The following SLC22A25 variants were observed in gnomAD, a reference collection of about 807,000 sequenced individuals.
SLC22A25 encodes solute carrier family 22 member 25.
In SLC22A25, 44 loss-of-function variants were observed where a neutral mutation model predicts 45.9. The ratio of observed to expected loss-of-function variants is 0.96; its 90% CI spans 0.75 to 1.23. The LOEUF (loss-of-function observed/expected upper bound fraction) is 1.23, where lower values mean the gene tolerates loss of function less well. SLC22A25 is among the 50% of genes most tolerant of loss of function. SLC22A25 has a pLI of 0.00. For synonymous variants in SLC22A25, 283 were observed against 238.6 expected, an observed-to-expected ratio of 1.19 and a Z score of -1.72; for missense variants, 800 against 666.4, an observed-to-expected ratio of 1.20 and a Z score of -2.21.
At chr11:63,202,650 C>T (rs1397911517) in intron 7 of SLC22A25, among the ~76,000 whole-genome samples, 1 of 152,198 alleles carries the variant, frequency 6.6e-6, no homozygotes, top group Non-Finnish European at 1.5e-5. Flanking sequence ...AAGGAAGCAG[C>T]CCCAGTCACG....
chr11:63,212,832 A>G (rs988823874), intron 7 of SLC22A25, among the ~76,000 whole-genome samples: 7 of 151,854 alleles, frequency 4.6e-5, no homozygotes, highest in Non-Finnish European at 8.8e-5. Flanking sequence ...ACCATTTTTG[A>G]GGCGGCCTTG....
intron 7 of SLC22A25, among the ~76,000 whole-genome samples, chr11:63,207,880 A>G (rs1456737124): frequency 1.2e-4 from 18 of 152,116 alleles, no homozygotes; most frequent in Admixed American, 1.2e-3. Context: ...TTTGTTTCTC[A>G]CTTCTGTAAT....
intron 7 of SLC22A25, chr11:63,208,064 A>G (rs1415426691): frequency 6.6e-6 from 1 of 152,170 alleles, no homozygotes; most frequent in Admixed American, 6.5e-5. Context: ...ATCCTGCAAC[A>G]TTTCTGGGGA....
chr11:63,167,845 C>A (rs1280824978), intron 9 of SLC22A25: 2 of 232,232 alleles, frequency 8.6e-6, no homozygotes, highest in Non-Finnish European at 1.8e-5. Flanking sequence ...TTAAGTGGGT[C>A]ACTAACACCT....
chr11:63,171,240 G>C (rs1590783265), intron 9 of SLC22A25, among the ~76,000 whole-genome samples: 1 of 152,128 alleles, frequency 6.6e-6, no homozygotes, highest in African/African-American at 2.4e-5. Context: ...CGTTCCCTTT[G>C]AAAACTGGCA....
At chr11:63,242,806 G>T (rs1308266937) in intron 1 of SLC22A25, among the ~76,000 whole-genome samples, 2 of 152,106 alleles carry the variant, frequency 1.3e-5, no homozygotes, top group Admixed American at 6.5e-5. Flanking sequence ...CCCAAATAAG[G>T]TTCCTTGGGA....
At chr11:63,174,699 T>A (rs2088022693) in intron 9 of SLC22A25, among the ~76,000 whole-genome samples, 2 of 152,162 alleles carry the variant, frequency 1.3e-5, no homozygotes, top group South Asian at 2.1e-4. Flanking sequence ...AACAAATTTT[T>A]AAGTGTACAG....
At chr11:63,173,272 G>A (rs1206038594) in intron 9 of SLC22A25, among the ~76,000 whole-genome samples, 2 of 151,900 alleles carry the variant, frequency 1.3e-5, no homozygotes, top group Non-Finnish European at 2.9e-5. Flanking sequence ...ATGCATACAT[G>A]GTTTAAAACC....
intron 10 of SLC22A25, 72 bp downstream of exon 10, chr11:63,165,972 G>A (rs1314549856): frequency 2.6e-6 from 4 of 1,540,710 alleles, no homozygotes; most frequent in Non-Finnish European, 3.6e-6. Flanking sequence ...GCTTCAGATA[G>A]GTGTGACCAG....
chr11:63,201,812 TA>T (rs201461509), intron 7 of SLC22A25, among the ~76,000 whole-genome samples: 1,236 of 6,596 alleles, frequency 0.19, 14 homozygotes, highest in Middle Eastern at 0.33. Flanking sequence ...AAAATTTCAA[TA>T]AAAAAACCCC....
In SLC22A25 at chr11:63,159,700, CT is replaced by C. The variant is rs2087519353; in HGVS notation, c.*4123del. 1.7e-4 allele frequency among the ~76,000 whole-genome samples: 1 copy of C among 5,956 alleles called. No individual in the cohort carries two copies. The highest frequency in any genetic ancestry group is 0.062 in the South Asian group (1 of 16). The allele number at this position is 5,956 out of a possible 152,430, so 3.9% of individuals were successfully genotyped here. On this transcript the variant is annotated 3_prime_UTR_variant, in exon 12 of 12. Transcript: ENST00000306494. ...CACAAATGTGGAAGCAACTTTGGAACTGGGGCAATATTTGGAGGGCTCAGAA... is the reference window on the plus strand; with the variant it reads ...CACAAATGTGGAAGCAACTTTGGAACGGGGCAATATTTGGAGGGCTCAGAA...
chr11:63,226,152 T>A (rs2089958385), intron 5 of SLC22A25, among the ~76,000 whole-genome samples: 1 of 152,140 alleles, frequency 6.6e-6, no homozygotes, highest in Non-Finnish European at 1.5e-5. Flanking sequence ...GTACCTTATT[T>A]AGTTTGTTTA....
At position 63,201,631 on chromosome 11, in the gene SLC22A25, T is replaced by C. The variant is rs571020701; in HGVS notation, c.830+15683A>G. On this transcript the variant is annotated intron_variant, in intron 7 of 11. Coordinates refer to ENST00000306494, the MANE Select transcript of SLC22A25 (RefSeq NM_199352.6). Reference sequence around the variant, plus strand: ...TTCATGATAAAAACACCCAAAGCAATTGCAACCAAAGCAAAAATTGACAAA... The same window carrying C: ...TTCATGATAAAAACACCCAAAGCAACTGCAACCAAAGCAAAAATTGACAAA... Among the ~76,000 whole-genome samples the C allele has an allele frequency of 3.3e-5, 5 of 152,160 alleles. No individual in the cohort carries two copies. In the East Asian group the frequency reaches 7.7e-4, roughly 23 times the overall value.
At chr11:63,219,874 C>T (rs138600535) in intron 5 of SLC22A25, 6 of 1,260,114 alleles carry the variant, frequency 4.8e-6, no homozygotes, top group Non-Finnish European at 6.2e-6. Flanking sequence ...CCCTCTGACT[C>T]TCAACTCTTT....
At chr11:63,165,261 C>A (rs1002827267) in intron 10 of SLC22A25, among the ~76,000 whole-genome samples, 8 of 151,692 alleles carry the variant, frequency 5.3e-5, no homozygotes, top group Non-Finnish European at 8.8e-5. Context: ...TCATAATTGC[C>A]TCATGTCATT....
intron 10 of SLC22A25, 143 bp from the exon 11 acceptor site, chr11:63,164,777 G>A: frequency 1.6e-6 from 1 of 643,306 alleles, no homozygotes; most frequent in Non-Finnish European, 2.8e-6. Context: ...GGCAAAGAAT[G>A]TGCAGTGGCT....
chr11:63,183,412 T>C (rs539528220), intron 8 of SLC22A25, among the ~76,000 whole-genome samples: 1 of 152,168 alleles, frequency 6.6e-6, no homozygotes, highest in South Asian at 2.1e-4. Flanking sequence ...TTAGGTTACT[T>C]TCTATTATGG....
intron 9 of SLC22A25, among the ~76,000 whole-genome samples, chr11:63,175,825 G>GTGTATATATATA (rs36011311): frequency 3.3e-5 from 5 of 150,226 alleles, no homozygotes; most frequent in African/African-American, 7.4e-5. Flanking sequence ...AATTGGGTGT[G>GTGTATATATATA]TATATATATA....
intron 7 of SLC22A25, among the ~76,000 whole-genome samples, chr11:63,216,223 C>A (rs547813060): frequency 6.6e-6 from 1 of 152,252 alleles, no homozygotes; most frequent in Non-Finnish European, 1.5e-5. Context: ...CAAAAAGTAA[C>A]AGATGCTGGC....
Sources: allele counts gnomAD v4.1 joint callset (sites outside exome capture counted in the v4.1 genomes callset), GRCh38; gene constraint gnomAD v4.1.1; transcripts MANE v1.5; gene names NCBI Gene and HGNC (gene_info 2026-07-23, HGNC 2026-07-21).